The following CAPN14 variants were observed in gnomAD, a reference collection of about 807,000 sequenced individuals.
CAPN14 encodes the protein calpain 14.
A neutral mutation model predicts 101.3 loss-of-function variants in CAPN14; 94 were observed. The observed-to-expected ratio is 0.93, with a 90% confidence interval of 0.79 to 1.10. CAPN14 has a LOEUF of 1.10. CAPN14 is among the 50% of genes least tolerant of loss of function. CAPN14 has a pLI of 0.00. For missense variants in CAPN14, 837 were observed against 828.4 expected, an observed-to-expected ratio of 1.01 and a Z score of -0.13; for synonymous variants, 338 against 317.9, an observed-to-expected ratio of 1.06 and a Z score of -0.67.
At chr2:31,220,144 C>T (rs764803649), upstream of CAPN14, among the ~76,000 whole-genome samples, 4 of 152,112 alleles carry the variant, frequency 2.6e-5, no homozygotes, top group South Asian at 8.3e-4. Flanking sequence ...TAGAGAACTC[C>T]TTTTCCAAAT....
intron 11 of CAPN14, 154 bp downstream of exon 11, chr2:31,191,781 A>C (rs148537416): frequency 9.9e-6 from 7 of 710,586 alleles, no homozygotes; most frequent in Non-Finnish European, 1.6e-5. Context: ...ACTTGTTCTA[A>C]ATCACATGTT....
chr2:31,233,387 G>A (rs1321931547), intron 1 of CAPN14, among the ~76,000 whole-genome samples: 1 of 152,128 alleles, frequency 6.6e-6, no homozygotes, highest in African/African-American at 2.4e-5. Context: ...CATCATTTAG[G>A]ATCCAGCTTA....
intron 16 of CAPN14, among the ~76,000 whole-genome samples, chr2:31,183,926 A>T (rs1221809279): frequency 2.1e-5 from 3 of 146,308 alleles, no homozygotes. Flanking sequence ...TCATTCTATC[A>T]CCCAGACTGG....
rs1572400394 is a variant in CAPN14, at chr2:31,188,370, C to T, written c.1494-16G>A. 1 of 1,551,298 alleles carries T rather than the reference C, an allele frequency of 6.4e-7. No homozygotes were observed. The highest frequency in any genetic ancestry group is 1.4e-5 in the African/African-American group (1 of 73,042). On this transcript the variant is annotated splice_polypyrimidine_tract_variant and intron_variant, in intron 13 of 21. Transcript: ENST00000403897. Reference sequence around the variant, plus strand: ...GCCAATTTCACTGAGAACAAACAAACAAGAACAAACTCAGAGTTTCCTCTT... The same window carrying T: ...GCCAATTTCACTGAGAACAAACAAATAAGAACAAACTCAGAGTTTCCTCTT...
rs1228233237 is a variant in CAPN14 at position 31,192,043 on chromosome 2, G to A, written c.1170C>T (p.Gly390=). The part of the protein sequence containing the change: ...FLLSVWRPEE[G]RRSLRPCSVL... ...CGCTGCAGGGCCTCAGGGATCTCCT[G>A]CCCTCCTCGGGCCTCCAGACAGACA... The change falls in exon 11 of 22, where the codon GGC becomes GGT. Residue 390 remains glycine (G), a synonymous_variant. Coordinates refer to ENST00000403897, the MANE Select transcript of CAPN14 (RefSeq NM_001145122.2). 1 of 1,551,538 alleles carries A rather than the reference G, an allele frequency of 6.4e-7. No individual in the cohort carries two copies. Among genetic ancestry groups the A allele is most frequent in the African/African-American group, 1.4e-5 (1 of 73,166 alleles).
chr2:31,199,307 C>A (rs1423313128), intron 7 of CAPN14, among the ~76,000 whole-genome samples, 163 bp downstream of exon 7: 1 of 152,082 alleles, frequency 6.6e-6, no homozygotes. Context: ...AAAGCCTGGA[C>A]CCACCACTTC....
chr2:31,200,638 G>C lies in CAPN14; in HGVS notation c.552-13C>G, dbSNP rs1572417210. The C allele has an allele frequency of 6.5e-7, 1 of 1,531,106 alleles. No homozygotes were observed. The highest frequency in any genetic ancestry group is 2.5e-5 in the East Asian group (1 of 40,490). 94.8% of individuals were successfully genotyped at this position (1,531,106 alleles called of 1,614,324 possible). A position where few individuals can be genotyped will look rare whatever the true frequency, so the allele number is the denominator to read the frequency against. On this transcript the variant is annotated splice_polypyrimidine_tract_variant and intron_variant, in intron 5 of 21. Coordinates refer to ENST00000403897, the MANE Select transcript of CAPN14 (RefSeq NM_001145122.2). ...GGAACCAGAGAGCCTGGCCAGGGAAGAAATAAACATGAGAGGAAAAAAGTA... is the reference window on the plus strand; with the variant it reads ...GGAACCAGAGAGCCTGGCCAGGGAACAAATAAACATGAGAGGAAAAAAGTA...
chr2:31,221,773 A>T (rs546372580), upstream of CAPN14, among the ~76,000 whole-genome samples: 1 of 152,302 alleles, frequency 6.6e-6, no homozygotes, highest in South Asian at 2.1e-4. Context: ...GTGGTAAATA[A>T]ACCATGACTA....
At position 31,174,485 on chromosome 2, in the gene CAPN14, T is replaced by C. The variant is rs1412644126; in HGVS notation, c.*196A>G. ...TTACAAATCTGATGTAATCTTTACTTCCTCCCTTCCCTTTCTGCATGCTGG... is the reference window on the plus strand; with the variant it reads ...TTACAAATCTGATGTAATCTTTACTCCCTCCCTTCCCTTTCTGCATGCTGG... On this transcript the variant is annotated 3_prime_UTR_variant, in exon 22 of 22. Coordinates refer to ENST00000403897, the MANE Select transcript of CAPN14 (RefSeq NM_001145122.2). The C allele has an allele frequency of 9.7e-6, 6 of 616,702 alleles. No individual in the cohort carries two copies. The East Asian group carries it at 1.6e-4, about 17-fold the overall frequency. 38.2% of individuals were successfully genotyped at this position (616,702 alleles called of 1,614,324 possible).
rs1337387320 is a variant in CAPN14 at position 31,176,652 on chromosome 2, T to C, written c.1973-10A>G. 1 of 1,550,474 alleles carries C rather than the reference T, an allele frequency of 6.4e-7. No individual in the cohort carries two copies. The highest frequency in any genetic ancestry group is 1.2e-5 in the South Asian group (1 of 84,048). The stretch of plus-strand genomic sequence containing the variant: ...AAGTTTTGGAAGACATCTGTGAAAA[T>C]GCAGCAGAAAGGAATACAGCTAATG... On this transcript the variant is annotated splice_polypyrimidine_tract_variant and intron_variant, in intron 20 of 21. Transcript: ENST00000403897.
Position 31,177,836 on chromosome 2 carries a change from A to G in CAPN14, c.1780-15T>C, listed in dbSNP as rs1484907170. 14 of 1,548,848 alleles carry G rather than the reference A, an allele frequency of 9.0e-6. No homozygotes were observed. Among genetic ancestry groups the G allele is most frequent in the Non-Finnish European group, 1.0e-5 (12 of 1,144,368 alleles). On this transcript the variant is annotated splice_polypyrimidine_tract_variant and intron_variant, in intron 18 of 21. Transcript: ENST00000403897. ...TGGAAAACCTTCTGCAAAGAACCAA[A>G]TAAGAGGTTCAGGAAGCCAGGCATT...
chr2:31,193,715 G>T (rs1681328197), intron 9 of CAPN14, among the ~76,000 whole-genome samples: 1 of 152,212 alleles, frequency 6.6e-6, no homozygotes. Context: ...CTTGTGGCCT[G>T]CGACACTCTA....
At chr2:31,209,555 G>A (rs909205952) in intron 1 of CAPN14, among the ~76,000 whole-genome samples, 4 of 152,108 alleles carry the variant, frequency 2.6e-5, no homozygotes, top group African/African-American at 9.7e-5. Context: ...CCCAATCCCT[G>A]TATACAGGCA....
chr2:31,196,918 A>G (rs1681496642), intron 8 of CAPN14, among the ~76,000 whole-genome samples: 1 of 152,216 alleles, frequency 6.6e-6, no homozygotes, highest in Non-Finnish European at 1.5e-5. Context: ...CAATTAATCC[A>G]AGTTTCTCTA....
chr2:31,175,698 A>C (rs1408448829), intron 21 of CAPN14, among the ~76,000 whole-genome samples: 1 of 152,230 alleles, frequency 6.6e-6, no homozygotes, highest in Non-Finnish European at 1.5e-5. Flanking sequence ...TTGAGGGGTG[A>C]CACAGGCTGC....
chr2:31,223,320 G>A (rs1429173019), intron 2 of CAPN14, among the ~76,000 whole-genome samples: 1 of 152,196 alleles, frequency 6.6e-6, no homozygotes, highest in Non-Finnish European at 1.5e-5. Flanking sequence ...ACCAGCCCAT[G>A]TGACAGCACT....
At chr2:31,197,608 C>T (rs150934132) in intron 7 of CAPN14, among the ~76,000 whole-genome samples, 1 of 152,318 alleles carries the variant, frequency 6.6e-6, no homozygotes, top group East Asian at 1.9e-4. Flanking sequence ...CTTCCCTCCC[C>T]AAAGAGGATA....
chr2:31,212,318 A>C (rs1414231991), intron 1 of CAPN14, among the ~76,000 whole-genome samples: 8 of 151,304 alleles, frequency 5.3e-5, no homozygotes, highest in South Asian at 4.2e-4. Flanking sequence ...AAAACAAAAA[A>C]AAAAAAAAAC....
chr2:31,209,403 G>A (rs1036339360), intron 1 of CAPN14, among the ~76,000 whole-genome samples: 6 of 152,282 alleles, frequency 3.9e-5, no homozygotes, highest in Admixed American at 6.5e-5. Flanking sequence ...GGTGAGAGGT[G>A]TCAAATAACC....
Sources: allele counts gnomAD v4.1 joint callset (sites outside exome capture counted in the v4.1 genomes callset), GRCh38; gene constraint gnomAD v4.1.1; transcripts MANE v1.5; gene names NCBI Gene and HGNC (gene_info 2026-07-23, HGNC 2026-07-21).